CENPP: variants seen among roughly 807,000 people sequenced by gnomAD.
CENPP encodes centromere protein P.
Under a neutral mutation model 35.6 loss-of-function variants are expected in CENPP, and 24 were observed. The observed-to-expected ratio is 0.67, with a 90% confidence interval of 0.49 to 0.95. The LOEUF is 0.95. Ranked by LOEUF, CENPP falls within the 40% of genes least tolerant of loss-of-function variation. The pLI, the probability that CENPP is intolerant of heterozygous loss-of-function variation, is 0.00. For synonymous variants in CENPP, 120 were observed against 125.5 expected, an observed-to-expected ratio of 0.96 and a Z score of 0.29; for missense variants, 332 against 345.3, an observed-to-expected ratio of 0.96 and a Z score of 0.31.
chr9:92,550,668 T>A (rs2131325560), intron 5 of CENPP, among the ~76,000 whole-genome samples: 1 of 151,950 alleles, frequency 6.6e-6, no homozygotes, highest in Non-Finnish European at 1.5e-5. Context: ...GAGGCAAGAG[T>A]ACAAATGAAG....
At chr9:92,452,701 A>G (rs1359561094) in intron 5 of CENPP, among the ~76,000 whole-genome samples, 1 of 152,210 alleles carries the variant, frequency 6.6e-6, no homozygotes, top group Non-Finnish European at 1.5e-5. Flanking sequence ...TAGCTCTGGT[A>G]GAATTCGGCT....
intron 5 of CENPP, among the ~76,000 whole-genome samples, chr9:92,581,468 A>C (rs1303175796): frequency 6.6e-6 from 1 of 152,228 alleles, no homozygotes; most frequent in African/African-American, 2.4e-5. Flanking sequence ...TCTTTGAAGC[A>C]TCCAAAGGAA....
intron 5 of CENPP, chr9:92,457,209 A>G: frequency 6.6e-7 from 1 of 1,525,592 alleles, no homozygotes; most frequent in Non-Finnish European, 8.8e-7. Context: ...TAATACTACC[A>G]TTATTAATAG....
chr9:92,419,886 A>T (rs1011531847), intron 5 of CENPP, among the ~76,000 whole-genome samples: 1 of 152,198 alleles, frequency 6.6e-6, no homozygotes, highest in Non-Finnish European at 1.5e-5. Flanking sequence ...TCATTGGTAT[A>T]ATTGAGAGAA....
chr9:92,325,932 C>G, upstream of CENPP: 1 of 1,377,542 alleles, frequency 7.3e-7, no homozygotes, highest in Non-Finnish European at 1.0e-6. Context: ...AGGCTTGAAG[C>G]GCGGGTGAAG....
intron 5 of CENPP, among the ~76,000 whole-genome samples, chr9:92,524,608 T>C (rs1323638878): frequency 1.3e-5 from 2 of 152,160 alleles, no homozygotes; most frequent in Non-Finnish European, 2.9e-5. Context: ...CCCTTGCAGC[T>C]TTCCTCCTGC....
chr9:92,619,600 C>T lies in CENPP; in HGVS notation c.*6451C>T, dbSNP rs1369688122. 2 of 1,533,916 alleles carry T rather than the reference C, an allele frequency of 1.3e-6. No individual in the cohort carries two copies. Reference sequence around the variant, plus strand: ...CGGGAAAGATCAGCTCCAGGTCACACAGGAAGCCTCTGCCCCCCCACACAA... The same window carrying T: ...CGGGAAAGATCAGCTCCAGGTCACATAGGAAGCCTCTGCCCCCCCACACAA... On this transcript the variant is annotated 3_prime_UTR_variant, in exon 8 of 8. Transcript: ENST00000375587.
At position 92,330,701 on chromosome 9, in the gene CENPP, T is replaced by G. The variant is rs1244014146; in HGVS notation, c.108-1469T>G. Among the ~76,000 whole-genome samples, 182 of 148,492 alleles carry G rather than the reference T, an allele frequency of 1.2e-3. 1 individual carries two copies. Among genetic ancestry groups the G allele is most frequent in the Admixed American group, 7.0e-3 (104 of 14,958 alleles). ...TTTCTTTTCTTTGTTTTTTTTTTTT[T>G]TTGTTGAGACAGAGTCTTACTTTGT... On this transcript the variant is annotated intron_variant, in intron 1 of 7. Coordinates refer to ENST00000375587, the MANE Select transcript of CENPP (RefSeq NM_001012267.3).
At chr9:92,545,240 C>T (rs1056961406) in intron 5 of CENPP, among the ~76,000 whole-genome samples, 6 of 151,982 alleles carry the variant, frequency 3.9e-5, no homozygotes, top group Admixed American at 1.3e-4. Context: ...TGGCCGAGGC[C>T]GGAGCCGCTC....
Position 92,501,011 on chromosome 9 carries a change from G to C in CENPP, c.565-110303G>C, listed in dbSNP as rs557095017. On this transcript the variant is annotated intron_variant, in intron 5 of 7. Coordinates refer to ENST00000375587, the MANE Select transcript of CENPP (RefSeq NM_001012267.3). Reference sequence around the variant, plus strand: ...AGGACTTGGGTAGATAGGACGGGACGTGATAGAGCTTGTTGTAGGAGAGAT... The same window carrying C: ...AGGACTTGGGTAGATAGGACGGGACCTGATAGAGCTTGTTGTAGGAGAGAT... 4 of 1,614,044 alleles carry C rather than the reference G, an allele frequency of 2.5e-6. No homozygotes were observed. Among genetic ancestry groups the C allele is most frequent in the Non-Finnish European group, 3.4e-6 (4 of 1,180,028 alleles).
intron 5 of CENPP, chr9:92,460,489 T>C (rs761354426): frequency 2.5e-6 from 4 of 1,595,556 alleles, no homozygotes; most frequent in Non-Finnish European, 3.4e-6. Flanking sequence ...TAGTTCTTTG[T>C]ATCGTTTAAA....
chr9:92,396,667 C>T (rs866082897), intron 5 of CENPP, among the ~76,000 whole-genome samples: 2 of 151,412 alleles, frequency 1.3e-5, no homozygotes, highest in African/African-American at 2.4e-5. Flanking sequence ...TGGGCTCAAG[C>T]GATCCTCCTG....
In CENPP at chr9:92,457,051, A is replaced by T. The variant is rs1844901739; in HGVS notation, c.564+77192A>T. ...TGGTCAAGCATGAGATTTATGTAAG[A>T]TCATTTGTACGCAAAAAGAAACTGC... is the stretch of plus-strand genomic sequence containing the variant. On this transcript the variant is annotated intron_variant, in intron 5 of 7. Coordinates refer to ENST00000375587, the MANE Select transcript of CENPP (RefSeq NM_001012267.3). 11 of 1,286,842 alleles carry T rather than the reference A, an allele frequency of 8.5e-6. No individual in the cohort carries two copies. In the South Asian group the frequency reaches 2.3e-4, roughly 27 times the overall value. 79.7% of individuals were successfully genotyped at this position (1,286,842 alleles called of 1,614,324 possible).
chr9:92,495,765 C>T (rs754417628), intron 5 of CENPP: 88 of 942,224 alleles, frequency 9.3e-5, no homozygotes, highest in Non-Finnish European at 1.0e-4. Flanking sequence ...TAATTTTACA[C>T]ATGTAATTAA....
In CENPP at chr9:92,614,023, G is replaced by A. The variant is rs1851353982; in HGVS notation, c.*874G>A. 1 of 152,284 alleles carries A rather than the reference G, an allele frequency of 6.6e-6. No homozygotes were observed. The highest frequency in any genetic ancestry group is 2.4e-5 in the African/African-American group (1 of 41,434). The allele number at this position is 152,284 out of a possible 1,614,324, so 9.4% of individuals were successfully genotyped here. ...TCAGGGGCTCCTCACAGCCCGGGCT[G>A]GTGGGAGCCAAGACCAGACAGAGTG... On this transcript the variant is annotated 3_prime_UTR_variant, in exon 8 of 8. Coordinates refer to ENST00000375587, the MANE Select transcript of CENPP (RefSeq NM_001012267.3).
chr9:92,357,005 T>TTTAAA (rs1841606163), intron 4 of CENPP, among the ~76,000 whole-genome samples: 5 of 152,180 alleles, frequency 3.3e-5, no homozygotes, highest in Non-Finnish European at 5.9e-5. Flanking sequence ...AATGCATTAG[T>TTTAAA]TTTTTAAATT....
At chr9:92,596,445 CAAAAAAAA>C (rs60383394) in intron 5 of CENPP, among the ~76,000 whole-genome samples, 16 of 72,012 alleles carry the variant, frequency 2.2e-4, no homozygotes, top group South Asian at 1.1e-3. Flanking sequence ...GACCCTGTGT[CAAAAAAAA>C]AAAAAAAAAA....
chr9:92,339,069 G>A (rs1230828915), intron 3 of CENPP, among the ~76,000 whole-genome samples: 1 of 152,202 alleles, frequency 6.6e-6, no homozygotes, highest in Non-Finnish European at 1.5e-5. Flanking sequence ...AGTTGGTTTT[G>A]CCAGTTGGGC....
At chr9:92,434,119 G>A (rs968542306) in intron 5 of CENPP, among the ~76,000 whole-genome samples, 1 of 151,740 alleles carries the variant, frequency 6.6e-6, no homozygotes, top group African/African-American at 2.4e-5. Flanking sequence ...GACTGGGCGC[G>A]GTGGCTCACG....
Sources: allele counts gnomAD v4.1 joint callset (sites outside exome capture counted in the v4.1 genomes callset), GRCh38; gene constraint gnomAD v4.1.1; transcripts MANE v1.5; gene names NCBI Gene and HGNC (gene_info 2026-07-23, HGNC 2026-07-21).